The following ZNF169 variants were observed in gnomAD, a reference collection of about 807,000 sequenced individuals.
ZNF169 encodes zinc finger protein 169.
ZNF169 carries 11 observed loss-of-function variants against 12.0 expected under a neutral mutation model. That is an observed-to-expected ratio of 0.92 (90% CI 0.58 to 1.52). The LOEUF (loss-of-function observed/expected upper bound fraction) is 1.52. Ranked by LOEUF, ZNF169 falls within the 40% of genes most tolerant of loss-of-function variation. The pLI is 0.00. For missense variants in ZNF169, 722 were observed against 744.0 expected (o/e 0.97, Z 0.34); for synonymous variants, 302 against 286.5 (o/e 1.05, Z -0.55).
At chr9:94,264,790 A>G (rs897824948) in intron 1 of ZNF169, among the ~76,000 whole-genome samples, 1 of 152,188 alleles carries the variant, frequency 6.6e-6, no homozygotes, top group Non-Finnish European at 1.5e-5. Context: ...AAATGAAATC[A>G]TATAGTACGT....
At chr9:94,275,253 A>C (rs534295175) in intron 1 of ZNF169, among the ~76,000 whole-genome samples, 1 of 152,274 alleles carries the variant, frequency 6.6e-6, no homozygotes, top group African/African-American at 2.4e-5. Context: ...GTAAATAAAA[A>C]AGAAGTATGG....
intron 1 of ZNF169, among the ~76,000 whole-genome samples, chr9:94,275,354 A>T (rs1259782992): frequency 6.6e-6 from 1 of 152,198 alleles, no homozygotes; most frequent in African/African-American, 2.4e-5. Context: ...AGTCCTTTGA[A>T]ATTGGAGATT....
intron 1 of ZNF169, among the ~76,000 whole-genome samples, chr9:94,277,265 C>G (rs1402586645): frequency 6.6e-6 from 1 of 152,048 alleles, no homozygotes; most frequent in South Asian, 2.1e-4. Context: ...TTTTATTGTG[C>G]AGAGGAAGCT....
At chr9:94,289,311 A>C (rs763987495) in intron 2 of ZNF169, among the ~76,000 whole-genome samples, 5 of 152,074 alleles carry the variant, frequency 3.3e-5, no homozygotes, top group Non-Finnish European at 4.4e-5. Context: ...AGGTGGAAGG[A>C]TTGCTGTAGA....
intron 1 of ZNF169, among the ~76,000 whole-genome samples, chr9:94,269,459 A>AT (rs1830353674): frequency 6.6e-6 from 1 of 152,150 alleles, no homozygotes; most frequent in East Asian, 1.9e-4. Flanking sequence ...TGCATGAAAC[A>AT]GCCCTCTGGA....
At chr9:94,292,096 C>T (rs540989481) in intron 2 of ZNF169, among the ~76,000 whole-genome samples, 2 of 152,306 alleles carry the variant, frequency 1.3e-5, no homozygotes, top group Admixed American at 1.3e-4. Context: ...TATGTAGCTG[C>T]GATAATCAAA....
intron 2 of ZNF169, among the ~76,000 whole-genome samples, chr9:94,291,664 G>T (rs1391176349): frequency 6.6e-6 from 1 of 152,176 alleles, no homozygotes; most frequent in Non-Finnish European, 1.5e-5. Context: ...TGTATCATAT[G>T]TCATAGCATG....
intron 4 of ZNF169, chr9:94,293,325 GGATTTCTCCAT>G: frequency 1.7e-6 from 1 of 591,894 alleles, no homozygotes; most frequent in East Asian, 2.8e-5. Flanking sequence ...AGCACATTCA[GGATTTCTCCAT>G]TCTTGGGCTC....
At chr9:94,276,150 C>T (rs1477701025) in intron 1 of ZNF169, among the ~76,000 whole-genome samples, 2 of 152,138 alleles carry the variant, frequency 1.3e-5, no homozygotes, top group Non-Finnish European at 2.9e-5. Flanking sequence ...TTAACCTAAA[C>T]TTAATACAAT....
chr9:94,285,120 C>T (rs3118756), intron 2 of ZNF169, among the ~76,000 whole-genome samples: 44,271 of 151,910 alleles, frequency 0.29, 7,979 homozygotes, highest in East Asian at 0.54. Context: ...GGGTGGATGT[C>T]GAGATCCTTC....
chr9:94,281,420 T>G (rs1331156796), intron 2 of ZNF169, among the ~76,000 whole-genome samples: 2 of 152,216 alleles, frequency 1.3e-5, no homozygotes, highest in Admixed American at 6.5e-5. Flanking sequence ...AAGCACAATA[T>G]GTTAGCTAAT....
At chr9:94,293,517 A>G in intron 4 of ZNF169, 2 of 281,990 alleles carry the variant, frequency 7.1e-6, no homozygotes, top group South Asian at 4.4e-5. Context: ...CCTGTGTTCA[A>G]GTGATTTCTC....
In ZNF169 at chr9:94,292,342, C is replaced by T; in HGVS notation, c.35C>T (p.Ala12Val). 6.2e-7 allele frequency: 1 copy of T among 1,614,048 alleles called. No homozygotes were observed. The highest frequency in any genetic ancestry group is 8.5e-7 in the Non-Finnish European group (1 of 1,180,024). ...AGCAGGGATGTGTTTGTGTTACAGG[C>T]ATTGATGGCCTTCCGGGATGTGGCT... The part of the protein sequence containing the change: ...SPGLLTTRKE[A>V]LMAFRDVAVA... The change falls in exon 3 of 5, where the codon GCA (alanine) becomes GTA (valine). Residue 12 changes from alanine to valine, a missense_variant and splice_region_variant. Physicochemically the swap from Ala to Val is moderately conservative, Grantham distance 64. Coordinates refer to ENST00000395395, the MANE Select transcript of ZNF169 (RefSeq NM_194320.4).
In ZNF169 at chr9:94,300,712, A is replaced by G. The variant is rs1172161888; in HGVS notation, c.1154A>G (p.Gln385Arg). 3 of 1,612,916 alleles carry G rather than the reference A, an allele frequency of 1.9e-6. No individual in the cohort carries two copies. In the Admixed American group the frequency reaches 5.0e-5, roughly 27 times the overall value. The stretch of plus-strand genomic sequence containing the variant: ...CTTGAGTGTGGGCGTAGCTTCAGGC[A>G]GCAGTCACTCCTCCTTAGTCACCAG... ...LCLECGRSFR[Q>R]QSLLLSHQVT... The change falls in exon 5 of 5, where the codon CAG (glutamine) becomes CGG (arginine). Residue 385 changes from glutamine to arginine, a missense_variant. By Grantham distance (43) the Gln-to-Arg change is conservative. Transcript: ENST00000395395.
chr9:94,296,690 C>T lies in ZNF169; in HGVS notation c.257-3125C>T, dbSNP rs1830957710. 5 of 452,258 alleles carry T rather than the reference C, an allele frequency of 1.1e-5. No individual in the cohort carries two copies. The Admixed American group carries it at 1.2e-4, about 11-fold the overall frequency. 28.0% of individuals were successfully genotyped at this position (452,258 alleles called of 1,614,324 possible). A position where few individuals can be genotyped will look rare whatever the true frequency, so the allele number is the denominator to read the frequency against. ...GTTGACCATATGTGATAGGTCTATA[C>T]CTGGACTCTATGTTTTTTCTACTCC... On this transcript the variant is annotated intron_variant, in intron 4 of 4. Coordinates refer to ENST00000395395, the MANE Select transcript of ZNF169 (RefSeq NM_194320.4).
In ZNF169 at chr9:94,292,381, A is replaced by G. The variant is rs543518642; in HGVS notation, c.74A>G (p.Gln25Arg). The G allele has an allele frequency of 3.1e-6, 5 of 1,614,176 alleles. No homozygotes were observed. The highest frequency in any genetic ancestry group is 4.5e-5 in the East Asian group (2 of 44,878). The change falls in exon 3 of 5, where the codon CAG becomes CGG. Residue 25 changes from glutamine to arginine, a missense_variant. Physicochemically the swap from Gln to Arg is conservative, Grantham distance 43 (BLOSUM62 1). Coordinates refer to ENST00000395395, the MANE Select transcript of ZNF169 (RefSeq NM_194320.4). The part of the protein sequence containing the change: ...AFRDVAVAFT[Q>R]KEWKLLSSAQ... Reference sequence around the variant, plus strand: ...CGGGATGTGGCTGTGGCCTTCACCCAGAAGGAGTGGAAGCTATTGAGTTCT... The same window carrying G: ...CGGGATGTGGCTGTGGCCTTCACCCGGAAGGAGTGGAAGCTATTGAGTTCT...
intron 4 of ZNF169, among the ~76,000 whole-genome samples, chr9:94,298,728 CAAAAAAA>C (rs59009101): frequency 1.9e-5 from 2 of 105,066 alleles, no homozygotes; most frequent in Admixed American, 9.8e-5. Flanking sequence ...GACTCTGTCT[CAAAAAAA>C]AAAAAAAAAA....
intron 4 of ZNF169, chr9:94,299,589 G>A: frequency 7.3e-6 from 10 of 1,364,434 alleles, no homozygotes; most frequent in Non-Finnish European, 9.4e-6. Context: ...TCTACTTGCA[G>A]CAATTTATAG....
At chr9:94,293,249 C>A in intron 4 of ZNF169, 180 bp downstream of exon 4, 2 of 623,820 alleles carry the variant, frequency 3.2e-6, no homozygotes, top group South Asian at 3.8e-5. Context: ...CAGGACAGGG[C>A]ACCCCTGGCA....
Sources: gnomAD v4.1 joint callset for allele counts (sites outside exome capture counted in the v4.1 genomes callset) on GRCh38, gnomAD v4.1.1 for gene constraint, MANE v1.5 for transcripts, NCBI Gene and HGNC (gene_info 2026-07-23, HGNC 2026-07-21) for gene names.